Variants in EXOC3L2 observed in about 807,000 individuals in gnomAD.
EXOC3L2 encodes exocyst complex component 3 like 2.
Under a neutral mutation model 44.4 loss-of-function variants are expected in EXOC3L2, and 17 were observed. The observed-to-expected ratio is 0.38, with a 90% CI of 0.26 to 0.57. The LOEUF (loss-of-function observed/expected upper bound fraction) is 0.57, where lower values mean the gene tolerates loss of function less well. Among genes scored for constraint, EXOC3L2 ranks in the 20% least tolerant of loss-of-function variants. The pLI is 0.65. For synonymous variants in EXOC3L2, 256 were observed against 253.7 expected (o/e 1.01, Z -0.09); for missense variants, 541 against 588.4 (o/e 0.92, Z 0.83).
chr19:45,229,717 T>C (rs1194018006), intron 4 of EXOC3L2, among the ~76,000 whole-genome samples: 1 of 149,640 alleles, frequency 6.7e-6, no homozygotes, highest in Non-Finnish European at 1.5e-5. Flanking sequence ...TGGTGGCGCA[T>C]GCCTGTAATC....
intron 8 of EXOC3L2, among the ~76,000 whole-genome samples, chr19:45,219,729 G>C (rs1969877389): frequency 1.3e-5 from 2 of 152,304 alleles, no homozygotes; most frequent in South Asian, 2.1e-4. Context: ...TCAAGGAAAT[G>C]TGTTTGCCAT....
chr19:45,216,659 A>G (rs1199689614), intron 10 of EXOC3L2: 1 of 153,444 alleles, frequency 6.5e-6, no homozygotes, highest in Non-Finnish European at 1.5e-5. Flanking sequence ...AAAATCCATA[A>G]TATAATCTCC....
intron 11 of EXOC3L2, 71 bp downstream of exon 11, chr19:45,216,002 G>C: frequency 6.3e-7 from 1 of 1,590,558 alleles, no homozygotes. Context: ...GGAAGCACAG[G>C]GACGGATGCC....
intron 4 of EXOC3L2, among the ~76,000 whole-genome samples, chr19:45,230,551 GT>G (rs1450601551): frequency 6.6e-6 from 1 of 152,058 alleles, no homozygotes; most frequent in East Asian, 1.9e-4. Context: ...GTCTTGCTAT[GT>G]TGTCCAGGCT....
intron 8 of EXOC3L2, among the ~76,000 whole-genome samples, chr19:45,220,184 A>T (rs1233516473): frequency 6.6e-6 from 1 of 151,226 alleles, no homozygotes; most frequent in African/African-American, 2.4e-5. Flanking sequence ...AAAAATAAAT[A>T]AATAAATTAA....
At chr19:45,227,581 TCCCCA>T in intron 7 of EXOC3L2, 76 bp downstream of exon 7, 1 of 1,232,914 alleles carries the variant, frequency 8.1e-7, no homozygotes, top group Non-Finnish European at 1.2e-6. Flanking sequence ...AGTTCTGCAA[TCCCCA>T]CCCAGGATCC....
At chr19:45,217,710 G>T in intron 9 of EXOC3L2, 27 bp from the exon 10 acceptor site, 1 of 1,392,922 alleles carries the variant, frequency 7.2e-7, no homozygotes, top group South Asian at 1.6e-5. Flanking sequence ...GAAACCCGAG[G>T]GGTGTGAGCC....
rs115648030 is a variant in EXOC3L2 at position 45,228,090 on chromosome 19, C to A, written c.1372-16G>T. The A allele has an allele frequency of 6.2e-7, 1 of 1,613,928 alleles. No homozygotes were observed. The highest frequency in any genetic ancestry group is 8.5e-7 in the Non-Finnish European group (1 of 1,180,006). ...CTTCCAGCAGCTGTGAGGTCCAGGG[C>A]GACAAGAAGAGGTGAGGAGGGGCAA... On this transcript the variant is annotated splice_polypyrimidine_tract_variant and intron_variant, in intron 5 of 11. Coordinates refer to ENST00000413988, the MANE Select transcript of EXOC3L2 (RefSeq NM_001382422.1).
intron 1 of EXOC3L2, among the ~76,000 whole-genome samples, chr19:45,244,987 C>T (rs1970158311): frequency 6.6e-6 from 1 of 151,836 alleles, no homozygotes; most frequent in Non-Finnish European, 1.5e-5. Flanking sequence ...AACAAATACC[C>T]GATCCTTCCT....
intron 8 of EXOC3L2, among the ~76,000 whole-genome samples, chr19:45,220,901 G>A (rs1476923164): frequency 1.3e-5 from 2 of 151,960 alleles, no homozygotes; most frequent in Non-Finnish European, 2.9e-5. Context: ...TGAGGAAGGG[G>A]AAGAGGAGAA....
rs1021282287 is a variant in EXOC3L2 at position 45,234,889 on chromosome 19, G to C, written c.524-63C>G. The C allele has an allele frequency of 2.6e-6, 1 of 384,346 alleles. No individual in the cohort carries two copies. The highest frequency in any genetic ancestry group is 4.6e-6 in the Non-Finnish European group (1 of 216,762). The allele number at this position is 384,346 out of a possible 1,614,324, so 23.8% of individuals were successfully genotyped here. A position where few individuals can be genotyped will look rare whatever the true frequency, so the allele number is the denominator to read the frequency against. On this transcript the variant is annotated intron_variant, in intron 2 of 11. Transcript: ENST00000413988. The surrounding 1 kb of genome is among the most constrained non-coding windows in gnomAD (Gnocchi z 5.0). ...GGGAGGAGGGCGATGCCGGACGCGG[G>C]GTTGGGGGTGCTTAGGAAGGGGAGA... is the stretch of plus-strand genomic sequence containing the variant.
rs755469791 is a variant in EXOC3L2 at position 45,218,318 on chromosome 19, G to A, written c.1721C>T (p.Pro574Leu). 6.2e-7 allele frequency: 1 copy of A among 1,601,336 alleles called. No individual in the cohort carries two copies. Among genetic ancestry groups the A allele is most frequent in the Non-Finnish European group, 8.5e-7 (1 of 1,173,736 alleles). The change falls in exon 9 of 12, where the codon CCA becomes CTA. Residue 574 changes from proline to leucine, a missense_variant and splice_region_variant. Transcript: ENST00000413988. ...CCGGCGCATCAGCTTGTTGAAGTGT[G>A]GCTGGCAGGGACAGAGTAGGGGGTC... ...VANLLFQELQ[P>L]HFNKLMRRKW...
At chr19:45,227,116 T>C (rs1194937953) in intron 7 of EXOC3L2, among the ~76,000 whole-genome samples, 2 of 146,726 alleles carry the variant, frequency 1.4e-5, no homozygotes, top group African/African-American at 5.1e-5. Context: ...AAAAAAAAAA[T>C]CTGTCATTCT....
intron 11 of EXOC3L2, among the ~76,000 whole-genome samples, 199 bp downstream of exon 11, chr19:45,215,874 G>A (rs541780433): frequency 3.9e-5 from 6 of 152,190 alleles, no homozygotes; most frequent in Admixed American, 2.6e-4. Context: ...CCCTGGTGGC[G>A]GTGGCGGCGG....
chr19:45,226,654 T>TGG (rs1486066118), intron 7 of EXOC3L2, among the ~76,000 whole-genome samples: 1 of 152,016 alleles, frequency 6.6e-6, no homozygotes, highest in Non-Finnish European at 1.5e-5. Context: ...CAGGCTGGTC[T>TGG]TGAACTCCTG....
chr19:45,226,026 T>G (rs967361359), intron 7 of EXOC3L2, among the ~76,000 whole-genome samples: 4 of 152,212 alleles, frequency 2.6e-5, no homozygotes, highest in African/African-American at 9.6e-5. Flanking sequence ...CGTTAGGGCA[T>G]GAAGAGTTCT....
At chr19:45,215,756 G>A (rs774953934) in intron 11 of EXOC3L2, among the ~76,000 whole-genome samples, 1 of 152,116 alleles carries the variant, frequency 6.6e-6, no homozygotes, top group Non-Finnish European at 1.5e-5. Flanking sequence ...TGTGCCCTGC[G>A]TGTCCCTGAG....
intron 1 of EXOC3L2, among the ~76,000 whole-genome samples, chr19:45,244,917 TG>T (rs1353219854): frequency 6.6e-6 from 1 of 151,864 alleles, no homozygotes; most frequent in African/African-American, 2.4e-5. Context: ...CTCTCCTGCT[TG>T]ATCTCAATCC....
At position 45,227,760 on chromosome 19, in the gene EXOC3L2, A is replaced by G. The variant is rs2122974757; in HGVS notation, c.1485T>C (p.Arg495=). 2 of 1,611,560 alleles carry G rather than the reference A, an allele frequency of 1.2e-6. No individual in the cohort carries two copies. The highest frequency in any genetic ancestry group is 1.7e-6 in the Non-Finnish European group (2 of 1,179,364). The change falls in exon 7 of 12, where the codon CGT becomes CGC. Residue 495 remains arginine (R), a synonymous_variant. Transcript: ENST00000413988. ...LAEFLQSFQQ[R]VERFHENPAV... is the part of the protein sequence containing the mutation. ...CTGGGTTCTCATGGAATCGCTCCAC[A>G]CGCTGCTGGAAGCTGGTGGGAGGAA...
Sources: gnomAD v4.1 joint callset for allele counts (sites outside exome capture counted in the v4.1 genomes callset) on GRCh38, gnomAD v4.1.1 for gene constraint, Gnocchi (gnomAD v3.1) non-coding constraint, MANE v1.5 for transcripts, NCBI Gene and HGNC (gene_info 2026-07-23, HGNC 2026-07-21) for gene names.